SUGCT: variants seen among roughly 807,000 people sequenced by gnomAD.
SUGCT encodes succinyl-CoA:glutarate-CoA transferase, also known as succinyl-CoA:glutarate CoA-transferase.
In SUGCT, 41 loss-of-function variants were observed where a neutral mutation model predicts 55.0. That is an observed-to-expected ratio of 0.74 (90% confidence interval 0.58 to 0.97). The LOEUF (loss-of-function observed/expected upper bound fraction) is 0.97. SUGCT is among the 50% of genes least tolerant of loss of function. The pLI, the probability that SUGCT is intolerant of heterozygous loss-of-function variation, is 0.00. For synonymous variants in SUGCT, 187 were observed against 200.4 expected (o/e 0.93, Z 0.56); for missense variants, 568 against 547.8 (o/e 1.04, Z -0.37).
intron 11 of SUGCT, among the ~76,000 whole-genome samples, chr7:40,470,510 C>G (rs1365839892): frequency 6.6e-6 from 1 of 152,122 alleles, no homozygotes; most frequent in Non-Finnish European, 1.5e-5. Flanking sequence ...CCTGGACAAT[C>G]TGCAGTAGTT....
chr7:40,977,202 T>C, the SUGCT span, among the ~76,000 whole-genome samples: 1 of 152,190 alleles, frequency 6.6e-6, no homozygotes, highest in East Asian at 1.9e-4. Context: ...TGGCCGATCC[T>C]CTGGCGGCTG....
chr7:40,672,760 T>TA (rs1255980490), intron 12 of SUGCT, among the ~76,000 whole-genome samples: 9 of 152,244 alleles, frequency 5.9e-5, no homozygotes, highest in Non-Finnish European at 5.9e-5. Context: ...TATTATTTCT[T>TA]ACAACTGCAT....
At chr7:40,808,895 A>G (rs1466656614) in intron 13 of SUGCT, among the ~76,000 whole-genome samples, 1 of 152,174 alleles carries the variant, frequency 6.6e-6, no homozygotes, top group East Asian at 1.9e-4. Context: ...CAGGAGTCAT[A>G]TATTTCAATG....
intron 3 of SUGCT, 124 bp from the exon 4 acceptor site, chr7:40,188,371 T>C (rs1217270791): frequency 4.6e-6 from 3 of 645,178 alleles, no homozygotes; most frequent in South Asian, 1.9e-5. Context: ...GAGGTAGAGG[T>C]TGCAGTGAGC....
intron 3 of SUGCT, 61 bp from the exon 4 acceptor site, chr7:40,188,434 C>CCAAAAA (rs746391689): frequency 1.2e-4 from 72 of 601,696 alleles, no homozygotes; most frequent in Admixed American, 3.3e-4. Flanking sequence ...ACTCCATCTC[C>CCAAAAA]AAAAAAAAAA....
At position 40,248,306 on chromosome 7, in the gene SUGCT, C is replaced by T. The variant is rs184932145; in HGVS notation, c.576+10580C>T. Reference sequence around the variant, plus strand: ...AATTACAGGCATGAGCCACCACGCCCGGCCTATAGTTTTGATTCTTACTTT... The same window carrying T: ...AATTACAGGCATGAGCCACCACGCCTGGCCTATAGTTTTGATTCTTACTTT... On this transcript the variant is annotated intron_variant, in intron 7 of 13. Transcript: ENST00000335693. Among the ~76,000 whole-genome samples, 800 of 151,400 alleles carry T rather than the reference C, an allele frequency of 5.3e-3. 2 individuals are homozygous for T. Among genetic ancestry groups the T allele is most frequent in the Non-Finnish European group, 8.3e-3 (561 of 67,818 alleles).
chr7:40,589,286 A>T (rs1797580472), intron 12 of SUGCT, among the ~76,000 whole-genome samples: 1 of 152,138 alleles, frequency 6.6e-6, no homozygotes, highest in African/African-American at 2.4e-5. Context: ...TACTTTAACA[A>T]TGCATGAGAC....
At chr7:41,023,781 C>T in the SUGCT span, among the ~76,000 whole-genome samples, 4 of 148,686 alleles carry the variant, frequency 2.7e-5, no homozygotes, top group Admixed American at 6.6e-5. Context: ...ATAAGATGTC[C>T]TTCACGCCTC....
chr7:40,681,473 T>C (rs1477014366), intron 12 of SUGCT, among the ~76,000 whole-genome samples: 1 of 152,070 alleles, frequency 6.6e-6, no homozygotes, highest in African/African-American at 2.4e-5. Context: ...GCCCACTTTC[T>C]CCGTACAGTA....
At chr7:40,999,646 C>A in the SUGCT span, among the ~76,000 whole-genome samples, 1 of 152,066 alleles carries the variant, frequency 6.6e-6, no homozygotes, top group African/African-American at 2.4e-5. Flanking sequence ...GGGTAACAGC[C>A]CACTCCCCAA....
intron 9 of SUGCT, among the ~76,000 whole-genome samples, chr7:40,358,591 G>A (rs1481445603): frequency 6.6e-6 from 1 of 152,074 alleles, no homozygotes; most frequent in Non-Finnish European, 1.5e-5. Context: ...GTGCATGCCT[G>A]TAATCCCAGC....
At chr7:40,907,793 A>G in the SUGCT span, among the ~76,000 whole-genome samples, 1 of 152,154 alleles carries the variant, frequency 6.6e-6, no homozygotes, top group Non-Finnish European at 1.5e-5. Flanking sequence ...CCTGAGACAC[A>G]CTGCATTATA....
chr7:40,250,256 G>A (rs533609376), intron 7 of SUGCT, among the ~76,000 whole-genome samples: 1 of 151,846 alleles, frequency 6.6e-6, no homozygotes, highest in Admixed American at 6.6e-5. Flanking sequence ...AAAAATTAGC[G>A]GGGCGTGGAG....
chr7:40,206,389 G>C (rs988424031), intron 6 of SUGCT, among the ~76,000 whole-genome samples: 1 of 152,094 alleles, frequency 6.6e-6, no homozygotes, highest in Admixed American at 6.6e-5. Flanking sequence ...CCTTTTATTT[G>C]AACCTCAGTA....
At chr7:40,324,261 A>ATATATATATATATAGTTATT (rs377215730) in intron 9 of SUGCT, among the ~76,000 whole-genome samples, 1 of 99,980 alleles carries the variant, frequency 1.0e-5, no homozygotes, top group Non-Finnish European at 2.0e-5. Flanking sequence ...AAATATATAT[A>ATATATATATATATAGTTATT]TATTTATTTT....
At chr7:40,138,971 T>C (rs1787836256) in intron 1 of SUGCT, among the ~76,000 whole-genome samples, 1 of 151,988 alleles carries the variant, frequency 6.6e-6, no homozygotes, top group Admixed American at 6.6e-5. Flanking sequence ...AAATCTGTTA[T>C]TGGATTAAGT....
At chr7:40,828,690 A>C (rs1003834660) in intron 13 of SUGCT, among the ~76,000 whole-genome samples, 1 of 152,148 alleles carries the variant, frequency 6.6e-6, no homozygotes, top group African/African-American at 2.4e-5. Context: ...TGTACTGTGC[A>C]TTGTTATGGA....
At chr7:40,329,659 A>G (rs975598616) in intron 9 of SUGCT, among the ~76,000 whole-genome samples, 8 of 152,176 alleles carry the variant, frequency 5.3e-5, no homozygotes, top group Admixed American at 5.2e-4. Context: ...GATTCATTCT[A>G]ATGAACCAGA....
chr7:40,413,602 C>T (rs192541451), intron 9 of SUGCT, among the ~76,000 whole-genome samples: 3 of 152,256 alleles, frequency 2.0e-5, no homozygotes, highest in Admixed American at 1.3e-4. Context: ...CTCACAACAT[C>T]TGTATGTGAG....
Sources: gnomAD v4.1 joint callset for allele counts (sites outside exome capture counted in the v4.1 genomes callset) on GRCh38, gnomAD v4.1.1 for gene constraint, MANE v1.5 for transcripts, NCBI Gene and HGNC (gene_info 2026-07-23, HGNC 2026-07-21) for gene names.